The following VDAC2 variants were observed in gnomAD, a reference collection of about 807,000 sequenced individuals.
VDAC2 encodes the protein non-selective voltage-gated ion channel VDAC2.
A neutral mutation model predicts 36.6 loss-of-function variants in VDAC2; 6 were observed. That is an observed-to-expected ratio of 0.16 (90% CI 0.09 to 0.32). VDAC2 has a LOEUF of 0.32. Among genes scored for constraint, VDAC2 ranks in the 10% least tolerant of loss-of-function variants. VDAC2 has a pLI of 1.00. For missense variants in VDAC2, 247 were observed against 346.0 expected (o/e 0.71, Z 2.27); for synonymous variants, 109 against 123.8 (o/e 0.88, Z 0.79).
At chr10:75,211,319 C>A in intron 2 of VDAC2, 130 bp downstream of exon 2, 2 of 1,423,128 alleles carry the variant, frequency 1.4e-6, no homozygotes, top group African/African-American at 1.4e-5. Context: ...GTCGCCCCAC[C>A]GTCTGACCAC....
intron 8 of VDAC2, among the ~76,000 whole-genome samples, chr10:75,223,137 C>A (rs60622683): frequency 0.098 from 14,889 of 152,100 alleles, 800 homozygotes; most frequent in Middle Eastern, 0.15. Context: ...CCCGCCACCA[C>A]ACCTGGCTAA....
chr10:75,231,028 A>G lies in VDAC2; in HGVS notation c.*39A>G. The G allele has an allele frequency of 6.6e-7, 1 of 1,521,344 alleles. No individual in the cohort carries two copies. The highest frequency in any genetic ancestry group is 2.3e-5 in the East Asian group (1 of 44,292). 94.2% of individuals were successfully genotyped at this position (1,521,344 alleles called of 1,614,324 possible). On this transcript the variant is annotated 3_prime_UTR_variant, in exon 10 of 10. Transcript: ENST00000332211. ...AACCTTTGGGAATGGATATCAGAAGATTTGGCCTTAATATATTTCCATTGT... is the reference window on the plus strand; with the variant it reads ...AACCTTTGGGAATGGATATCAGAAGGTTTGGCCTTAATATATTTCCATTGT...
At chr10:75,224,202 A>G (rs1261180466) in intron 8 of VDAC2, among the ~76,000 whole-genome samples, 1 of 152,128 alleles carries the variant, frequency 6.6e-6, no homozygotes, top group African/African-American at 2.4e-5. Flanking sequence ...GTGGCATCTG[A>G]TGTCTCCAGG....
intron 8 of VDAC2, among the ~76,000 whole-genome samples, chr10:75,228,095 C>T (rs556181613): frequency 7.9e-5 from 12 of 151,618 alleles, no homozygotes; most frequent in African/African-American, 2.4e-4. Flanking sequence ...GGGGTTTCAC[C>T]GTGTTAGCCA....
chr10:75,211,548 G>T (rs1444851296), intron 2 of VDAC2: 1 of 1,550,320 alleles, frequency 6.5e-7, no homozygotes, highest in Non-Finnish European at 8.7e-7. Flanking sequence ...GTCATTACTT[G>T]TGCTCCTAAG....
intron 7 of VDAC2, among the ~76,000 whole-genome samples, chr10:75,221,418 C>G (rs115161973): frequency 6.6e-6 from 1 of 152,022 alleles, no homozygotes; most frequent in African/African-American, 2.4e-5. Context: ...CTCCAACATC[C>G]GCCTCCCGGG....
intron 2 of VDAC2, chr10:75,211,519 C>A (rs1365589919): frequency 7.1e-6 from 11 of 1,545,298 alleles, no homozygotes; most frequent in Non-Finnish European, 8.7e-6. Flanking sequence ...AGTAGCAGTC[C>A]CTCTTGTGAG....
At chr10:75,216,821 A>C (rs1841620430) in intron 4 of VDAC2, among the ~76,000 whole-genome samples, 1 of 152,190 alleles carries the variant, frequency 6.6e-6, no homozygotes, top group Non-Finnish European at 1.5e-5. Context: ...CTGCTAGAAA[A>C]ACCTGTTCCA....
intron 4 of VDAC2, among the ~76,000 whole-genome samples, chr10:75,217,123 G>C (rs1485953625): frequency 6.6e-6 from 1 of 152,090 alleles, no homozygotes; most frequent in Non-Finnish European, 1.5e-5. Context: ...TGTGCTTGTT[G>C]GTGGGTACCT....
chr10:75,220,430 A>G (rs185110111), intron 6 of VDAC2, among the ~76,000 whole-genome samples: 4 of 152,282 alleles, frequency 2.6e-5, no homozygotes, highest in Admixed American at 1.3e-4. Flanking sequence ...TTAGAATACT[A>G]TGGTTGCTAT....
chr10:75,210,530 T>TC (rs1479658212), upstream of VDAC2: 2 of 151,974 alleles, frequency 1.3e-5, no homozygotes, highest in Non-Finnish European at 2.9e-5. Flanking sequence ...CTCCGCCCCA[T>TC]CCCCCTCCCA....
rs574018581 is a variant in VDAC2, at chr10:75,231,352, G to A, written c.*363G>A. ...TACCATTGAATGAGATGGATCAGTG[G>A]ATATTAAGATGAGGTTACAAATTTT... On this transcript the variant is annotated 3_prime_UTR_variant, in exon 10 of 10. Coordinates refer to ENST00000332211, the MANE Select transcript of VDAC2 (RefSeq NM_001391963.1). 48 of 160,756 alleles carry A rather than the reference G, an allele frequency of 3.0e-4. No individual in the cohort carries two copies. In the Middle Eastern group the frequency reaches 9.3e-3, roughly 31 times the overall value. 10.0% of individuals were successfully genotyped at this position (160,756 alleles called of 1,614,324 possible). A position where few individuals can be genotyped will look rare whatever the true frequency, so the allele number is the denominator to read the frequency against.
intron 4 of VDAC2, among the ~76,000 whole-genome samples, chr10:75,216,571 C>G (rs2132259355): frequency 6.6e-6 from 1 of 152,294 alleles, no homozygotes; most frequent in East Asian, 1.9e-4. Flanking sequence ...AACAGCAAAG[C>G]TACTGAAGCC....
chr10:75,218,967 A>T, intron 4 of VDAC2, 96 bp from the exon 5 acceptor site: 1 of 1,309,522 alleles, frequency 7.6e-7, no homozygotes, highest in Non-Finnish European at 1.0e-6. Context: ...GAATTTACCA[A>T]ATGTTTCAGG....
intron 2 of VDAC2, 139 bp downstream of exon 2, chr10:75,211,328 ACCT>A: frequency 7.2e-7 from 1 of 1,397,166 alleles, no homozygotes; most frequent in East Asian, 2.6e-5. Flanking sequence ...CCGTCTGACC[ACCT>A]CCTCTGCGGA....
intron 4 of VDAC2, among the ~76,000 whole-genome samples, chr10:75,216,272 T>C (rs1231236244): frequency 1.3e-5 from 2 of 152,212 alleles, no homozygotes; most frequent in Non-Finnish European, 2.9e-5. Context: ...GCTTACTTTC[T>C]AGTTGGAGAG....
intron 8 of VDAC2, among the ~76,000 whole-genome samples, chr10:75,223,913 C>A (rs1204819206): frequency 6.6e-6 from 1 of 152,222 alleles, no homozygotes; most frequent in Non-Finnish European, 1.5e-5. Context: ...GGTGGCATGT[C>A]TGGAGAGGGC....
intron 5 of VDAC2, 43 bp from the exon 6 acceptor site, chr10:75,219,261 G>C: frequency 6.4e-7 from 1 of 1,555,022 alleles, no homozygotes; most frequent in Non-Finnish European, 8.7e-7. Context: ...ATTTATTTTT[G>C]TATTTCAAAA....
chr10:75,223,006 A>G lies in VDAC2; in HGVS notation c.735+604A>G, dbSNP rs1178157729. On this transcript the variant is annotated intron_variant, in intron 8 of 9. Transcript: ENST00000332211. ...TTTTTTTTTTTTTTTCTTTTTTGAG[A>G]TGGAGTCTCTGTCGCCCGGGCTGGG... 2.9e-5 allele frequency among the ~76,000 whole-genome samples: 4 copies of G among 138,496 alleles called. No individual in the cohort carries two copies. The East Asian group carries it at 8.7e-4, about 30-fold the overall frequency. The allele number at this position is 138,496 out of a possible 152,430, so 90.9% of individuals were successfully genotyped here.
Sources: gnomAD v4.1 joint callset for allele counts (sites outside exome capture counted in the v4.1 genomes callset) on GRCh38, gnomAD v4.1.1 for gene constraint, MANE v1.5 for transcripts, NCBI Gene and HGNC (gene_info 2026-07-23, HGNC 2026-07-21) for gene names.